The following LSAMP variants were observed in gnomAD, a reference collection of about 807,000 sequenced individuals.
The protein encoded by LSAMP is limbic system associated membrane protein.
Under a neutral mutation model 38.6 loss-of-function variants are expected in LSAMP, and 7 were observed. The ratio of observed to expected loss-of-function variants is 0.18; its 90% CI spans 0.10 to 0.34. The LOEUF (loss-of-function observed/expected upper bound fraction) is 0.34, where lower values mean the gene tolerates loss of function less well. Among genes scored for constraint, LSAMP ranks in the 10% least tolerant of loss-of-function variants. The pLI is 1.00. For synonymous variants in LSAMP, 154 were observed against 166.8 expected (o/e 0.92, Z 0.59); for missense variants, 313 against 420.0 (o/e 0.75, Z 2.23).
At chr3:116,154,980 G>T (rs1285288916) in intron 1 of LSAMP, among the ~76,000 whole-genome samples, 1 of 151,904 alleles carries the variant, frequency 6.6e-6, no homozygotes, top group Non-Finnish European at 1.5e-5. Flanking sequence ...CACTGCTTCA[G>T]ATCTCAGCTC....
intron 1 of LSAMP, among the ~76,000 whole-genome samples, chr3:116,191,571 C>A (rs1710755825): frequency 6.6e-6 from 1 of 151,906 alleles, no homozygotes; most frequent in Admixed American, 6.6e-5. Context: ...ACTTTTGGAT[C>A]CCAGCCAGCT....
chr3:115,859,238 G>A (rs1476966095), intron 3 of LSAMP, among the ~76,000 whole-genome samples: 1 of 152,140 alleles, frequency 6.6e-6, no homozygotes, highest in Non-Finnish European at 1.5e-5. Flanking sequence ...GTGAAGAGTG[G>A]TAAAATGATC....
In LSAMP at chr3:116,372,294, G is replaced by A. The variant is rs565064949; in HGVS notation, c.155+72583C>T. 7.6e-4 allele frequency among the ~76,000 whole-genome samples: 116 copies of A among 152,060 alleles called. 1 individual carries two copies. Among genetic ancestry groups the A allele is most frequent in the Admixed American group, 2.6e-3 (40 of 15,256 alleles). On this transcript the variant is annotated intron_variant, in intron 1 of 6. Coordinates refer to ENST00000490035, the MANE Select transcript of LSAMP (RefSeq NM_002338.5). ...TGTATGATTAAATAATTTTCGACAA[G>A]GGTACCAAGACTATTCAATGGGGGA...
At chr3:116,336,669 G>T (rs984766449) in intron 1 of LSAMP, among the ~76,000 whole-genome samples, 1 of 151,946 alleles carries the variant, frequency 6.6e-6, no homozygotes, top group Admixed American at 6.6e-5. Flanking sequence ...GGGAGAAATT[G>T]GAACCCTTGG....
intron 6 of LSAMP, chr3:115,816,788 T>C: frequency 2.5e-6 from 1 of 394,846 alleles, no homozygotes; most frequent in Non-Finnish European, 4.7e-6. Context: ...GGAAAGAATA[T>C]TGGTAGAGAT....
At chr3:116,060,437 AAC>A (rs61085045) in intron 2 of LSAMP, among the ~76,000 whole-genome samples, 12 of 150,602 alleles carry the variant, frequency 8.0e-5, no homozygotes, top group South Asian at 2.1e-4. Flanking sequence ...TTACTTTTAA[AAC>A]ACACACACAC....
chr3:116,374,578 T>C (rs2048470548), intron 1 of LSAMP, among the ~76,000 whole-genome samples: 1 of 151,932 alleles, frequency 6.6e-6, no homozygotes, highest in Non-Finnish European at 1.5e-5. Flanking sequence ...ATCTGCACTT[T>C]ACCTACTGGA....
rs747962463 is a variant in LSAMP, at chr3:116,420,413, A to G, written c.155+24464T>C. On this transcript the variant is annotated intron_variant, in intron 1 of 6. Coordinates refer to ENST00000490035, the MANE Select transcript of LSAMP (RefSeq NM_002338.5). ...GCGCCCAGCCCAAACCCATTTTTTC[A>G]GAGTAGATAATCAAAAGACTATATC... Among the ~76,000 whole-genome samples the G allele has an allele frequency of 3.9e-5, 6 of 152,134 alleles. No homozygotes were observed. The East Asian group carries it at 5.8e-4, about 15-fold the overall frequency.
intron 1 of LSAMP, among the ~76,000 whole-genome samples, chr3:116,315,107 A>G (rs2107721887): frequency 6.6e-6 from 1 of 152,240 alleles, no homozygotes; most frequent in African/African-American, 2.4e-5. Context: ...CAATTTCCCT[A>G]AACACACTTC....
intron 3 of LSAMP, among the ~76,000 whole-genome samples, chr3:115,904,096 T>C (rs971319020): frequency 6.6e-6 from 1 of 152,126 alleles, no homozygotes; most frequent in Non-Finnish European, 1.5e-5. Flanking sequence ...TTATGAATCA[T>C]CTGTCGACGG....
In LSAMP at chr3:116,366,582, A is replaced by G. The variant is rs1310887180; in HGVS notation, c.155+78295T>C. ...AAAGGTCTCAGTGAGCATGGAGGAA[A>G]GCATCTAAGGATTAAAGTAGTCCTG... On this transcript the variant is annotated intron_variant, in intron 1 of 6. Transcript: ENST00000490035. Among the ~76,000 whole-genome samples the G allele has an allele frequency of 2.0e-5, 3 of 152,208 alleles. No individual in the cohort carries two copies. In the East Asian group the frequency reaches 5.8e-4, roughly 29 times the overall value.
intron 1 of LSAMP, among the ~76,000 whole-genome samples, chr3:116,286,712 G>T (rs945670314): frequency 2.6e-5 from 4 of 151,992 alleles, no homozygotes; most frequent in African/African-American, 9.7e-5. Flanking sequence ...AAACTATTTA[G>T]ATCAAAAGTT....
At chr3:116,276,030 G>A (rs550165958) in intron 1 of LSAMP, among the ~76,000 whole-genome samples, 13 of 152,284 alleles carry the variant, frequency 8.5e-5, no homozygotes, top group East Asian at 1.9e-4. Flanking sequence ...CATGTTTCAA[G>A]GGTGACTAGA....
intron 1 of LSAMP, among the ~76,000 whole-genome samples, chr3:116,125,690 T>C (rs1708991994): frequency 6.6e-6 from 1 of 152,202 alleles, no homozygotes; most frequent in South Asian, 2.1e-4. Flanking sequence ...AATTTTGTTC[T>C]GACCTCACCT....
chr3:116,043,814 A>G (rs551722287), intron 2 of LSAMP, among the ~76,000 whole-genome samples: 6 of 152,306 alleles, frequency 3.9e-5, no homozygotes, highest in Admixed American at 1.3e-4. Flanking sequence ...GCATGGTGGC[A>G]GGCGCCTTGT....
intron 3 of LSAMP, among the ~76,000 whole-genome samples, chr3:116,014,459 TCTC>T (rs925357590): frequency 6.6e-6 from 1 of 152,006 alleles, no homozygotes; most frequent in Non-Finnish European, 1.5e-5. Context: ...TTATCTATTT[TCTC>T]CTCTTTTAAA....
At chr3:116,285,309 G>A (rs952836341) in intron 1 of LSAMP, among the ~76,000 whole-genome samples, 4 of 152,018 alleles carry the variant, frequency 2.6e-5, no homozygotes, top group Non-Finnish European at 5.9e-5. Flanking sequence ...GGAGGTGATC[G>A]AGACCTATCT....
intron 6 of LSAMP, among the ~76,000 whole-genome samples, chr3:115,817,537 A>C (rs1485929542): frequency 4.6e-5 from 7 of 152,218 alleles, no homozygotes; most frequent in Non-Finnish European, 1.0e-4. Flanking sequence ...ACCTTTGTCA[A>C]GTAAACCACA....
At chr3:116,115,489 G>A (rs146182684) in intron 1 of LSAMP, among the ~76,000 whole-genome samples, 27 of 152,228 alleles carry the variant, frequency 1.8e-4, no homozygotes, top group Admixed American at 9.8e-4. Context: ...CTATAATCCT[G>A]GAACCTCTCT....
Sources: allele counts gnomAD v4.1 joint callset (sites outside exome capture counted in the v4.1 genomes callset), GRCh38; gene constraint gnomAD v4.1.1; transcripts MANE v1.5; gene names NCBI Gene and HGNC (gene_info 2026-07-23, HGNC 2026-07-21).